AGAP1: variants seen among roughly 807,000 people sequenced by gnomAD.
AGAP1 encodes arf-GAP with GTPase, ANK repeat and PH domain-containing protein 1.
AGAP1 carries 29 observed loss-of-function variants against 105.3 expected under a neutral mutation model. That is an observed-to-expected ratio of 0.28 (90% CI 0.21 to 0.38). The LOEUF is 0.38. Among genes scored for constraint, AGAP1 ranks in the 10% least tolerant of loss-of-function variants. AGAP1 has a pLI of 1.00. For missense variants in AGAP1, 998 were observed against 1,165.1 expected (o/e 0.86, Z 2.09); for synonymous variants, 509 against 485.9 (o/e 1.05, Z -0.63).
At position 236,090,158 on chromosome 2, in the gene AGAP1, ACCATTGTGGGCT is replaced by A. The variant is rs1374354960; in HGVS notation, c.2115-30030_2115-30019del. ...CCGGCCGTGTCCTCACCCCTCTGTC[ACCATTGTGGGCT>A]CCAGCTGCACAGGCTGGGGATGGGC... On this transcript the variant is annotated intron_variant, in intron 16 of 17. Coordinates refer to ENST00000304032, the MANE Select transcript of AGAP1 (RefSeq NM_001037131.3). This position sits in a 1 kb window ranked among gnomAD's most constrained non-coding sequence, Gnocchi z 4.3. Among the ~76,000 whole-genome samples the A allele has an allele frequency of 2.6e-5, 4 of 152,224 alleles. No individual in the cohort carries two copies. Among genetic ancestry groups the A allele is most frequent in the Admixed American group, 1.3e-4 (2 of 15,302 alleles).
rs140231122 is a variant in AGAP1 at position 235,952,208 on chromosome 2, G to GT, written c.1484-16252dup. On this transcript the variant is annotated intron_variant, in intron 12 of 17. Coordinates refer to ENST00000304032, the MANE Select transcript of AGAP1 (RefSeq NM_001037131.3). ...AATATCTAGTTTTCAAGCAGAGGAA[G>GT]TTAGAGGTGAACCGCAGCCTCAGAA... is the stretch of plus-strand genomic sequence containing the variant. 5.0e-3 allele frequency among the ~76,000 whole-genome samples: 768 copies of GT among 152,236 alleles called. 3 individuals carry two copies. Among genetic ancestry groups the GT allele is most frequent in the Non-Finnish European group, 7.6e-3 (515 of 68,012 alleles).
rs566204697 is a variant in AGAP1 at position 235,686,997 on chromosome 2, CT to C, written c.164-22180del. 1.1e-3 allele frequency among the ~76,000 whole-genome samples: 165 copies of C among 152,068 alleles called. 1 individual carries two copies. The South Asian group carries it at 0.012, about 12-fold the overall frequency. Reference sequence around the variant, plus strand: ...TTTTTGAATAATTATCTTCCTCACTCTTCTTTCCACCCACTCTCCATTCAAC... The same window carrying C: ...TTTTTGAATAATTATCTTCCTCACTCTCTTTCCACCCACTCTCCATTCAAC... On this transcript the variant is annotated intron_variant, in intron 1 of 17. Coordinates refer to ENST00000304032, the MANE Select transcript of AGAP1 (RefSeq NM_001037131.3).
intron 1 of AGAP1, among the ~76,000 whole-genome samples, chr2:235,503,149 A>G (rs1042764806): frequency 4.6e-5 from 7 of 152,126 alleles, no homozygotes; most frequent in African/African-American, 1.7e-4. Context: ...CTTCAGCAGG[A>G]TTGGTATTGT....
chr2:235,678,023 A>ACTTGCTTTC (rs1948849708), intron 1 of AGAP1, among the ~76,000 whole-genome samples: 1 of 142,632 alleles, frequency 7.0e-6, no homozygotes, highest in Non-Finnish European at 1.5e-5. Flanking sequence ...CGTATTTGTG[A>ACTTGCTTTC]CTTGCTTTCC....
rs1220451033 is a variant in AGAP1 at position 235,959,827 on chromosome 2, G to A, written c.1484-8635G>A. Among the ~76,000 whole-genome samples the A allele has an allele frequency of 6.6e-6, 1 of 152,114 alleles. No homozygotes were observed. Among genetic ancestry groups the A allele is most frequent in the African/African-American group, 2.4e-5 (1 of 41,426 alleles). On this transcript the variant is annotated intron_variant, in intron 12 of 17. Coordinates refer to ENST00000304032, the MANE Select transcript of AGAP1 (RefSeq NM_001037131.3). The surrounding 1 kb of genome is among the most constrained non-coding windows in gnomAD (Gnocchi z 7.3). ...CACTTTCCCCACTGGCTGCCTGTCC[G>A]CTCCTGCCAAACCTGCTCCCACCCG...
chr2:235,514,207 A>G (rs1324101119), intron 1 of AGAP1, among the ~76,000 whole-genome samples: 1 of 152,194 alleles, frequency 6.6e-6, no homozygotes, highest in Non-Finnish European at 1.5e-5. Context: ...GAGAATGTTG[A>G]TGTGGCAATT....
Position 235,850,331 on chromosome 2 carries a change from C to T in AGAP1, c.1051-33014C>T, listed in dbSNP as rs114602248. Among the ~76,000 whole-genome samples, 264 of 152,340 alleles carry T rather than the reference C, an allele frequency of 1.7e-3. 1 individual carries two copies. The highest frequency in any genetic ancestry group is 6.0e-3 in the African/African-American group (250 of 41,584). On this transcript the variant is annotated intron_variant, in intron 9 of 17. Coordinates refer to ENST00000304032, the MANE Select transcript of AGAP1 (RefSeq NM_001037131.3). ...CATAGCCACAAGTGACTGGCCTCTACCTCTCTTCCAATCTTGCTCTACTAA... is the reference window on the plus strand; with the variant it reads ...CATAGCCACAAGTGACTGGCCTCTATCTCTCTTCCAATCTTGCTCTACTAA...
intron 12 of AGAP1, among the ~76,000 whole-genome samples, chr2:235,945,435 G>T (rs1372875817): frequency 6.6e-6 from 1 of 152,192 alleles, no homozygotes; most frequent in Non-Finnish European, 1.5e-5. Flanking sequence ...TTAAATGGAG[G>T]CCACAGTGCA....
At chr2:235,942,173 G>A (rs1329640772) in intron 12 of AGAP1, among the ~76,000 whole-genome samples, 5 of 152,172 alleles carry the variant, frequency 3.3e-5, no homozygotes, top group African/African-American at 9.7e-5. Flanking sequence ...ATCATCTGCT[G>A]TGTAGACAGC....
At chr2:235,772,826 C>T (rs1248785712) in intron 6 of AGAP1, among the ~76,000 whole-genome samples, 1 of 152,222 alleles carries the variant, frequency 6.6e-6, no homozygotes, top group East Asian at 1.9e-4. Context: ...AAGCGGGTCT[C>T]TCTCTGACCT....
rs571759948 is a variant in AGAP1 at position 235,845,937 on chromosome 2, C to T, written c.1051-37408C>T. On this transcript the variant is annotated intron_variant, in intron 9 of 17. Transcript: ENST00000304032. This position sits in a 1 kb window ranked among gnomAD's most constrained non-coding sequence, Gnocchi z 4.8. Reference sequence around the variant, plus strand: ...GCACCCCCAGAGTGGCCCCTCCACTCACCCTTCAGCTGCAGCCACAGGGTT... The same window carrying T: ...GCACCCCCAGAGTGGCCCCTCCACTTACCCTTCAGCTGCAGCCACAGGGTT... Among the ~76,000 whole-genome samples, 1 of 152,274 alleles carries T rather than the reference C, an allele frequency of 6.6e-6. No individual in the cohort carries two copies. Among genetic ancestry groups the T allele is most frequent in the Non-Finnish European group, 1.5e-5 (1 of 68,018 alleles).
chr2:235,903,512 A>T (rs962322267), intron 10 of AGAP1, among the ~76,000 whole-genome samples: 2 of 152,242 alleles, frequency 1.3e-5, no homozygotes, highest in African/African-American at 4.8e-5. Flanking sequence ...AGCCAAAGGT[A>T]ACCTCCGGAT....
rs78668481 is a variant in AGAP1 at position 236,038,910 on chromosome 2, G to A, written c.1801-1841G>A. Among the ~76,000 whole-genome samples the A allele has an allele frequency of 6.6e-6, 1 of 151,928 alleles. No individual in the cohort carries two copies. The highest frequency in any genetic ancestry group is 1.5e-5 in the Non-Finnish European group (1 of 68,010). ...GTTTAAACATATTTTGAATACTTGG[G>A]TATCTAACCAAAGGGAATTAAAATT... is the stretch of plus-strand genomic sequence containing the variant. On this transcript the variant is annotated intron_variant, in intron 14 of 17. Transcript: ENST00000304032. This position sits in a 1 kb window ranked among gnomAD's most constrained non-coding sequence, Gnocchi z 4.5.
chr2:235,869,491 C>A (rs1185424649), intron 9 of AGAP1, among the ~76,000 whole-genome samples: 1 of 148,152 alleles, frequency 6.7e-6, no homozygotes, highest in Admixed American at 6.7e-5. Flanking sequence ...ATCCCAGCTA[C>A]TCAGGAGGCT....
Position 235,721,588 on chromosome 2 carries a change from A to G in AGAP1, c.310+3944A>G, listed in dbSNP as rs1374831535. ...TGCCACACACAGTGTGGCTTAAAACAGAAATGTATTCTCATAGTTCTCAGA... is the reference window on the plus strand; with the variant it reads ...TGCCACACACAGTGTGGCTTAAAACGGAAATGTATTCTCATAGTTCTCAGA... On this transcript the variant is annotated intron_variant, in intron 3 of 17. Coordinates refer to ENST00000304032, the MANE Select transcript of AGAP1 (RefSeq NM_001037131.3). This position sits in a 1 kb window ranked among gnomAD's most constrained non-coding sequence, Gnocchi z 4.5. Among the ~76,000 whole-genome samples the G allele has an allele frequency of 6.6e-6, 1 of 152,232 alleles. No homozygotes were observed. Among genetic ancestry groups the G allele is most frequent in the Non-Finnish European group, 1.5e-5 (1 of 68,038 alleles).
chr2:235,955,721 C>T (rs1214451825), intron 12 of AGAP1, among the ~76,000 whole-genome samples: 2 of 152,148 alleles, frequency 1.3e-5, no homozygotes, highest in East Asian at 3.9e-4. Flanking sequence ...ATCAGGTTTT[C>T]CCATAGCTGA....
At chr2:236,048,926 G>A (rs932940828) in intron 15 of AGAP1, 133 bp from the exon 16 acceptor site, 3 of 794,456 alleles carry the variant, frequency 3.8e-6, no homozygotes, top group Non-Finnish European at 6.1e-6. Flanking sequence ...TGGCTAGGGA[G>A]CATTTTTTCT....
intron 1 of AGAP1, among the ~76,000 whole-genome samples, chr2:235,502,060 T>G (rs758902772): frequency 6.6e-6 from 1 of 150,950 alleles, no homozygotes; most frequent in Non-Finnish European, 1.5e-5. Flanking sequence ...GCTCTGTGCT[T>G]CTGAGGGGCT....
At chr2:235,522,578 C>T (rs1332935834) in intron 1 of AGAP1, among the ~76,000 whole-genome samples, 3 of 152,030 alleles carry the variant, frequency 2.0e-5, no homozygotes, top group African/African-American at 4.8e-5. Flanking sequence ...TTGGGAGAGA[C>T]TTGAGCTTGA....
Sources: allele counts gnomAD v4.1 joint callset (sites outside exome capture counted in the v4.1 genomes callset), GRCh38; gene constraint gnomAD v4.1.1; non-coding constraint Gnocchi (gnomAD v3.1); transcripts MANE v1.5; gene names NCBI Gene and HGNC (gene_info 2026-07-23, HGNC 2026-07-21).